Variants in DISP1 observed in about 807,000 individuals in gnomAD.
The protein encoded by DISP1 is protein dispatched homolog 1.
DISP1 carries 30 observed loss-of-function variants against 37.3 expected under a neutral mutation model. The observed-to-expected ratio is 0.80, with a 90% confidence interval of 0.60 to 1.09. The LOEUF (loss-of-function observed/expected upper bound fraction) is 1.09, where lower values mean the gene tolerates loss of function less well. Among genes scored for constraint, DISP1 ranks in the 50% least tolerant of loss-of-function variants. The probability of loss-of-function intolerance (pLI) is 0.00; values close to 1 mark genes in which losing one functional copy is unlikely to be tolerated. For missense variants in DISP1, 1,598 were observed against 1,879.5 expected (o/e 0.85, Z 2.77); for synonymous variants, 634 against 690.2 (o/e 0.92, Z 1.28).
chr1:222,967,962 G>A (rs986508244), intron 3 of DISP1, among the ~76,000 whole-genome samples: 2 of 152,226 alleles, frequency 1.3e-5, no homozygotes, highest in African/African-American at 4.8e-5. Flanking sequence ...TCAAGCTACA[G>A]ATGCAAGAAT....
intron 1 of DISP1, among the ~76,000 whole-genome samples, chr1:222,848,800 G>A (rs1668064019): frequency 6.6e-6 from 1 of 152,090 alleles, no homozygotes; most frequent in South Asian, 2.1e-4. Context: ...AGTGTACTTA[G>A]TTGTCTTCCA....
chr1:222,911,501 C>T (rs963584856), intron 1 of DISP1, among the ~76,000 whole-genome samples: 3 of 151,658 alleles, frequency 2.0e-5, no homozygotes, highest in Non-Finnish European at 4.4e-5. Context: ...TTTTTTTTGG[C>T]TTTTAATTTT....
Position 222,951,614 on chromosome 1 carries a change from A to G in DISP1, c.509+8282A>G, listed in dbSNP as rs374111417. 1.9e-3 allele frequency among the ~76,000 whole-genome samples: 284 copies of G among 152,310 alleles called. 1 individual carries two copies. The South Asian group carries it at 0.028, about 15-fold the overall frequency. The stretch of plus-strand genomic sequence containing the variant: ...CCACAGTCTCTGCTTTACTCAGATC[A>G]CCCAGAGTCCATTCAAATGCTTCTC... On this transcript the variant is annotated intron_variant, in intron 3 of 8. Transcript: ENST00000675850.
At chr1:222,994,738 TG>T (rs1678935151) in intron 7 of DISP1, 146 bp from the exon 8 acceptor site, 2 of 639,352 alleles carry the variant, frequency 3.1e-6, no homozygotes, top group East Asian at 5.6e-5. Context: ...CATTTTCTCC[TG>T]GAATTTATCA....
At position 223,005,625 on chromosome 1, in the gene DISP1, G is replaced by A. The variant is rs148545972; in HGVS notation, c.4228G>A (p.Glu1410Lys). The A allele has an allele frequency of 1.4e-5, 22 of 1,614,116 alleles. No individual in the cohort carries two copies. The highest frequency in any genetic ancestry group is 2.7e-5 in the African/African-American group (2 of 75,032). The change falls in exon 9 of 9, where the codon GAG becomes AAG. Residue 1410 changes from glutamate (E) to lysine (K), a missense_variant. Physicochemically the swap from Glu to Lys is moderately conservative, Grantham distance 56. Transcript: ENST00000675850. ...GSLLKTCCDP[E>K]NKQRELCKNR... The stretch of plus-strand genomic sequence containing the variant: ...GTTACTCAAAACGTGTTGCGACCCC[G>A]AGAATAAACAAAGGGAACTCTGTAA...
At chr1:222,896,584 G>A (rs929238630) in intron 1 of DISP1, among the ~76,000 whole-genome samples, 1 of 150,222 alleles carries the variant, frequency 6.7e-6, no homozygotes, top group African/African-American at 2.4e-5. Flanking sequence ...CTGGGTGACA[G>A]AGTGAGACTC....
chr1:222,854,331 C>A (rs1359903943), intron 1 of DISP1, among the ~76,000 whole-genome samples: 1 of 152,122 alleles, frequency 6.6e-6, no homozygotes, highest in Non-Finnish European at 1.5e-5. Context: ...AGGAAACTTA[C>A]AATCATGGCG....
At chr1:222,931,353 T>C (rs1673383902) in intron 2 of DISP1, among the ~76,000 whole-genome samples, 1 of 151,852 alleles carries the variant, frequency 6.6e-6, no homozygotes, top group East Asian at 1.9e-4. Context: ...TAAACATCCA[T>C]GGTATCTTTT....
chr1:222,981,336 A>G (rs938810194), intron 3 of DISP1, among the ~76,000 whole-genome samples: 2 of 152,190 alleles, frequency 1.3e-5, no homozygotes, highest in Non-Finnish European at 2.9e-5. Context: ...GTCCATCTCT[A>G]AAAATGAGGC....
intron 1 of DISP1, among the ~76,000 whole-genome samples, chr1:222,819,829 C>G (rs1025726583): frequency 9.2e-5 from 14 of 152,142 alleles, no homozygotes; most frequent in African/African-American, 3.1e-4. Flanking sequence ...GCATGAGCCA[C>G]TGCGCCGAGC....
chr1:222,941,184 C>G (rs1409754090), intron 2 of DISP1, among the ~76,000 whole-genome samples: 1 of 152,112 alleles, frequency 6.6e-6, no homozygotes, highest in East Asian at 1.9e-4. Context: ...GTATATCTAC[C>G]CTACCTCCTG....
At position 222,866,107 on chromosome 1, in the gene DISP1, G is replaced by GA. The variant is rs973115987; in HGVS notation, c.-159+51038dup. Among the ~76,000 whole-genome samples, 17 of 150,282 alleles carry GA rather than the reference G, an allele frequency of 1.1e-4. No individual in the cohort carries two copies. The South Asian group carries it at 2.1e-3, about 19-fold the overall frequency. On this transcript the variant is annotated intron_variant, in intron 1 of 8. Transcript: ENST00000675850. ...TCCCTGCTTACTCTTTTCCTCCTTT[G>GA]AAAAAAAAATGAATGTTGGAGAGAG...
Position 223,002,851 on chromosome 1 carries a change from C to A in DISP1, c.1454C>A (p.Thr485Asn), listed in dbSNP as rs759386089. 1 of 1,613,950 alleles carries A rather than the reference C, an allele frequency of 6.2e-7. No homozygotes were observed. The highest frequency in any genetic ancestry group is 1.1e-5 in the South Asian group (1 of 91,072). ...TCTTCTGACGGCGTGACTACCATCA[C>A]CGGGATTGAGTTTGGTATCAAACAC... The part of the protein sequence containing the change: ...WNSSDGVTTI[T>N]GIEFGIKHSL... Residue 485 changes from threonine (T) to asparagine (N), a missense_variant, in exon 9 of 9, where the codon ACC becomes AAC. Transcript: ENST00000675850.
chr1:222,879,604 G>A (rs546420600), intron 1 of DISP1, among the ~76,000 whole-genome samples: 3 of 152,106 alleles, frequency 2.0e-5, no homozygotes, highest in South Asian at 4.2e-4. Context: ...TCACTTTTAA[G>A]ACAAAACATA....
intron 3 of DISP1, among the ~76,000 whole-genome samples, chr1:222,960,244 A>T (rs1450260183): frequency 6.6e-6 from 1 of 152,226 alleles, no homozygotes; most frequent in African/African-American, 2.4e-5. Flanking sequence ...TCCTCAGCAA[A>T]TGCAGAAGAA....
intron 3 of DISP1, among the ~76,000 whole-genome samples, chr1:222,943,891 G>A (rs549220308): frequency 2.0e-5 from 3 of 152,140 alleles, no homozygotes; most frequent in South Asian, 2.1e-4. Context: ...TTAGCTGGGC[G>A]TGGTGGTGCA....
chr1:222,818,553 G>C (rs1661828512), intron 1 of DISP1, among the ~76,000 whole-genome samples: 1 of 152,230 alleles, frequency 6.6e-6, no homozygotes. Flanking sequence ...TTTATTTTAA[G>C]AAATTGGCTC....
intron 3 of DISP1, among the ~76,000 whole-genome samples, chr1:222,977,106 C>A (rs541057671): frequency 6.6e-6 from 1 of 152,014 alleles, no homozygotes; most frequent in Non-Finnish European, 1.5e-5. Context: ...CTCGGTTCAC[C>A]GCAACCTCCG....
At chr1:222,863,950 C>G (rs558758991) in intron 1 of DISP1, among the ~76,000 whole-genome samples, 1 of 152,140 alleles carries the variant, frequency 6.6e-6, no homozygotes, top group Non-Finnish European at 1.5e-5. Flanking sequence ...TTCTGAGATG[C>G]CCTGTTTCCT....
Sources: gnomAD v4.1 joint callset for allele counts (sites outside exome capture counted in the v4.1 genomes callset) on GRCh38, gnomAD v4.1.1 for gene constraint, MANE v1.5 for transcripts, NCBI Gene and HGNC (gene_info 2026-07-23, HGNC 2026-07-21) for gene names.